Variants in FGF1 observed in about 807,000 individuals in gnomAD.
The protein encoded by FGF1 is beta-endothelial cell growth factor.
In FGF1, 9 loss-of-function variants were observed where a neutral mutation model predicts 13.4. That is an observed-to-expected ratio of 0.67 (90% confidence interval 0.40 to 1.17). The LOEUF (loss-of-function observed/expected upper bound fraction) is 1.17, where lower values mean the gene tolerates loss of function less well. Ranked by LOEUF, FGF1 falls within the 50% of genes most tolerant of loss-of-function variation. FGF1 has a pLI of 0.01. For synonymous variants in FGF1, 93 were observed against 79.0 expected (o/e 1.18, Z -0.94); for missense variants, 156 against 192.7 (o/e 0.81, Z 1.13).
At chr5:142,608,997 G>A (rs1481892831) in intron 2 of FGF1, among the ~76,000 whole-genome samples, 1 of 151,810 alleles carries the variant, frequency 6.6e-6, no homozygotes, top group African/African-American at 2.4e-5. Context: ...TCTCCCCATC[G>A]TGGTCATTTG....
intron 1 of FGF1, among the ~76,000 whole-genome samples, chr5:142,663,843 G>T (rs912615540): frequency 3.9e-5 from 6 of 152,228 alleles, no homozygotes; most frequent in African/African-American, 1.2e-4. Context: ...AAGAGGCAGG[G>T]TGAGGCTGAA....
At chr5:142,651,910 G>T (rs1233803395) in intron 1 of FGF1, among the ~76,000 whole-genome samples, 1 of 150,994 alleles carries the variant, frequency 6.6e-6, no homozygotes, top group Non-Finnish European at 1.5e-5. Context: ...CTGGGCTGTA[G>T]TACAGGGGTA....
chr5:142,597,062 ATGTGCAAAGATAAAAAAAAATT>A (rs1425247163), intron 3 of FGF1, among the ~76,000 whole-genome samples: 2 of 152,190 alleles, frequency 1.3e-5, no homozygotes, highest in Non-Finnish European at 2.9e-5. Flanking sequence ...TAGCTATCCT[ATGTGCAAAGATAAAAAAAAATT>A]TGTGCAAAGA....
chr5:142,621,511 C>G (rs1761609976), intron 1 of FGF1, among the ~76,000 whole-genome samples: 1 of 152,064 alleles, frequency 6.6e-6, no homozygotes, highest in African/African-American at 2.4e-5. Flanking sequence ...ACACATCCCC[C>G]AACCCTAACC....
chr5:142,660,557 G>A (rs1769031150), intron 1 of FGF1, among the ~76,000 whole-genome samples: 2 of 152,176 alleles, frequency 1.3e-5, no homozygotes, highest in South Asian at 2.1e-4. Flanking sequence ...ATATCACGCA[G>A]GAGCAGCAGA....
intron 1 of FGF1, among the ~76,000 whole-genome samples, chr5:142,617,226 C>T (rs1439971903): frequency 6.6e-6 from 1 of 152,054 alleles, no homozygotes; most frequent in African/African-American, 2.4e-5. Flanking sequence ...TTAGCCAGGT[C>T]TGGTGGTGCA....
At chr5:142,606,158 G>A (rs1170919237) in intron 2 of FGF1, among the ~76,000 whole-genome samples, 1 of 151,364 alleles carries the variant, frequency 6.6e-6, no homozygotes, top group Admixed American at 6.6e-5. Context: ...AACAAAAGCT[G>A]CAATTGTTTT....
At chr5:142,655,140 T>C (rs1254959005) in intron 1 of FGF1, among the ~76,000 whole-genome samples, 1 of 152,164 alleles carries the variant, frequency 6.6e-6, no homozygotes, top group Non-Finnish European at 1.5e-5. Context: ...CATTGCTGAG[T>C]TGAGAGGATT....
At chr5:142,682,650 A>G (rs899817239) in intron 1 of FGF1, among the ~76,000 whole-genome samples, 3 of 152,184 alleles carry the variant, frequency 2.0e-5, no homozygotes, top group African/African-American at 7.2e-5. Flanking sequence ...CCCTCTCGTA[A>G]GTAGTATAAT....
chr5:142,601,240 T>C, intron 2 of FGF1: 1 of 435,854 alleles, frequency 2.3e-6, no homozygotes, highest in Non-Finnish European at 4.7e-6. Flanking sequence ...GCTTTCATTA[T>C]CAACCTGCAC....
In FGF1 at chr5:142,595,395, ATTC is replaced by A. The variant is rs1419776970; in HGVS notation, c.360_362del (p.Lys120del). ...CATTCTTCTTGAGGCCAACAAACCAATTCTTCTCTGCATGCTTCTTGGATATAT... is the reference window on the plus strand; with the variant it reads ...CATTCTTCTTGAGGCCAACAAACCAATTCTCTGCATGCTTCTTGGATATAT... On this transcript the variant is annotated inframe_deletion, in exon 4 of 4. Transcript: ENST00000337706. 1.9e-6 allele frequency: 3 copies of A among 1,612,596 alleles called. No individual in the cohort carries two copies. The highest frequency in any genetic ancestry group is 2.2e-5 in the East Asian group (1 of 44,864).
Position 142,593,874 on chromosome 5 carries a change from TGCTAGCCACCTG to T in FGF1, c.*1404_*1415del, listed in dbSNP as rs1754737873. The T allele has an allele frequency of 6.5e-6, 1 of 152,674 alleles. No individual in the cohort carries two copies. The highest frequency in any genetic ancestry group is 1.5e-5 in the Non-Finnish European group (1 of 68,034). The allele number at this position is 152,674 out of a possible 1,614,324, so 9.5% of individuals were successfully genotyped here. The stretch of plus-strand genomic sequence containing the variant: ...TTAGAGATGAATGGTGTTTCTAATT[TGCTAGCCACCTG>T]GGTCAAGTTTAAGCAGGAAGTGTAT... On this transcript the variant is annotated 3_prime_UTR_variant, in exon 4 of 4. Coordinates refer to ENST00000337706, the MANE Select transcript of FGF1 (RefSeq NM_000800.5).
rs187799206 is a variant in FGF1 at position 142,594,378 on chromosome 5, C to T, written c.*912G>A. The T allele has an allele frequency of 2.0e-5, 3 of 152,376 alleles. No homozygotes were observed. Among genetic ancestry groups the T allele is most frequent in the Admixed American group, 1.3e-4 (2 of 15,294 alleles). The allele number at this position is 152,376 out of a possible 1,614,324, so 9.4% of individuals were successfully genotyped here. A position where few individuals can be genotyped will look rare whatever the true frequency, so the allele number is the denominator to read the frequency against. On this transcript the variant is annotated 3_prime_UTR_variant, in exon 4 of 4. Transcript: ENST00000337706. The stretch of plus-strand genomic sequence containing the variant: ...GAAGCACTGGGCTAGGACCCCAAAG[C>T]CTCTGCTTACCAGGGGCCAAGCACA...
intron 1 of FGF1, among the ~76,000 whole-genome samples, chr5:142,662,271 A>T (rs1332643057): frequency 6.6e-6 from 1 of 152,220 alleles, no homozygotes; most frequent in Non-Finnish European, 1.5e-5. Flanking sequence ...ATTGTGAATT[A>T]TATCTCAAGC....
intron 1 of FGF1, among the ~76,000 whole-genome samples, chr5:142,636,073 G>A (rs1368719454): frequency 6.6e-6 from 1 of 152,210 alleles, no homozygotes; most frequent in East Asian, 1.9e-4. Context: ...GGCAACATAA[G>A]TGAAGACTCC....
intron 2 of FGF1, among the ~76,000 whole-genome samples, chr5:142,694,650 G>A (rs748282491): frequency 2.0e-5 from 3 of 152,136 alleles, no homozygotes; most frequent in Non-Finnish European, 4.4e-5. Flanking sequence ...CCCTGGTGGC[G>A]GGTAGGAGAA....
chr5:142,650,942 T>C (rs1767118136), intron 1 of FGF1, among the ~76,000 whole-genome samples: 1 of 152,038 alleles, frequency 6.6e-6, no homozygotes, highest in South Asian at 2.1e-4. Context: ...TAAAAATATA[T>C]AGTTTAACAC....
intron 2 of FGF1, among the ~76,000 whole-genome samples, chr5:142,603,395 A>G (rs60436519): frequency 0.034 from 5,106 of 151,598 alleles, 196 homozygotes; most frequent in East Asian, 0.12. Flanking sequence ...CCCTGCCAAT[A>G]CCACCCTCCC....
chr5:142,689,398 G>A (rs1371102915), upstream of FGF1, among the ~76,000 whole-genome samples: 2 of 152,184 alleles, frequency 1.3e-5, no homozygotes, highest in Non-Finnish European at 1.5e-5. Context: ...AGGGCAATGG[G>A]AAATGCAGCA....
Sources: allele counts gnomAD v4.1 joint callset (sites outside exome capture counted in the v4.1 genomes callset), GRCh38; gene constraint gnomAD v4.1.1; transcripts MANE v1.5; gene names NCBI Gene and HGNC (gene_info 2026-07-23, HGNC 2026-07-21).